The following RFPL3 variants were observed in gnomAD, a reference collection of about 807,000 sequenced individuals.
RFPL3 encodes ret finger protein-like 3.
Under a neutral mutation model 8.7 loss-of-function variants are expected in RFPL3, and 8 were observed. The observed-to-expected ratio is 0.92, with a 90% confidence interval of 0.54 to 1.66. RFPL3 has a LOEUF of 1.66. Among genes scored for constraint, RFPL3 ranks in the 40% most tolerant of loss-of-function variants. The pLI, the probability that RFPL3 is intolerant of heterozygous loss-of-function variation, is 0.00. For missense variants in RFPL3, 341 were observed against 395.0 expected (o/e 0.86, Z 1.16); for synonymous variants, 145 against 150.5 (o/e 0.96, Z 0.27).
upstream of RFPL3, chr22:32,356,572 C>A (rs1810450): frequency 0.066 from 13,073 of 198,210 alleles, 902 homozygotes; most frequent in East Asian, 0.45. Context: ...TAAGGGTTTA[C>A]TGGTACAAGG....
In RFPL3 at chr22:32,358,288, G is replaced by A. The variant is rs776262059; in HGVS notation, c.217G>A (p.Gly73Arg). ...CAATTCGCTGCAGAAGGAGCCCCAT[G>A]GGGAGGATCTGCTTTGCTGTTGCTG... The part of the protein sequence containing the change: ...CINSLQKEPH[G>R]EDLLCCCCSM... Residue 73 changes from glycine to arginine, a missense_variant, in exon 1 of 2, where the codon GGG (glycine) becomes AGG (arginine). Physicochemically the swap from Gly to Arg is moderately radical, Grantham distance 125. Coordinates refer to ENST00000249007, the MANE Select transcript of RFPL3 (RefSeq NM_001098535.1). 6 of 1,613,974 alleles carry A rather than the reference G, an allele frequency of 3.7e-6. No individual in the cohort carries two copies. The Admixed American group carries it at 1.0e-4, about 27-fold the overall frequency.
chr22:32,360,435 T>G lies in RFPL3; in HGVS notation c.557T>G (p.Val186Gly). The G allele has an allele frequency of 6.2e-7, 1 of 1,613,776 alleles. No individual in the cohort carries two copies. The highest frequency in any genetic ancestry group is 8.5e-7 in the Non-Finnish European group (1 of 1,179,842). Residue 186 changes from valine to glycine, a missense_variant, in exon 2 of 2, where the codon GTG (valine) becomes GGG (glycine). Val to Gly is a moderately radical substitution (Grantham distance 109, BLOSUM62 -3). Coordinates refer to ENST00000249007, the MANE Select transcript of RFPL3 (RefSeq NM_001098535.1). ...GGCCGCCACTACTGGGAGGTGGACG[T>G]GGGAACAAGCACAGAATGGGACCTG... ...TCGRHYWEVD[V>G]GTSTEWDLGV...
At chr22:32,357,711 C>T (rs973390569), upstream of RFPL3, among the ~76,000 whole-genome samples, 14 of 152,270 alleles carry the variant, frequency 9.2e-5, no homozygotes, top group African/African-American at 3.4e-4. Context: ...AGATGATCCA[C>T]CCACCTTGGC....
At chr22:32,357,593 A>C (rs1443557030), upstream of RFPL3, among the ~76,000 whole-genome samples, 2 of 152,058 alleles carry the variant, frequency 1.3e-5, no homozygotes, top group Non-Finnish European at 2.9e-5. Flanking sequence ...AAGCCTCCCA[A>C]GTATCTGGGA....
At chr22:32,354,898 G>A (rs1424337490), upstream of RFPL3, 2 of 152,446 alleles carry the variant, frequency 1.3e-5, no homozygotes, top group Non-Finnish European at 2.9e-5. Context: ...CAGCAGCGAG[G>A]TGAGCCACGG....
upstream of RFPL3, among the ~76,000 whole-genome samples, chr22:32,355,499 G>A (rs571990201): frequency 4.6e-5 from 7 of 152,132 alleles, no homozygotes; most frequent in South Asian, 1.5e-3. Flanking sequence ...CATAAATGAT[G>A]CATCCTCCAA....
At chr22:32,359,137 T>C (rs1485924166) in intron 1 of RFPL3, among the ~76,000 whole-genome samples, 1 of 152,210 alleles carries the variant, frequency 6.6e-6, no homozygotes, top group East Asian at 1.9e-4. Flanking sequence ...GCCCCTATAA[T>C]GTCCCTGACA....
chr22:32,360,163 G>A (rs2145869984), intron 1 of RFPL3, 89 bp from the exon 2 acceptor site: 1 of 1,470,822 alleles, frequency 6.8e-7, no homozygotes, highest in South Asian at 1.4e-5. Context: ...AGAAACTAAA[G>A]TCAGGAGATA....
rs141627758 is a variant in RFPL3 at position 32,359,111 on chromosome 22, C to A, written c.373+667C>A. 4.5e-3 allele frequency among the ~76,000 whole-genome samples: 681 copies of A among 152,262 alleles called. 8 individuals are homozygous for A. Among genetic ancestry groups the A allele is most frequent in the African/African-American group, 0.016 (654 of 41,548 alleles). On this transcript the variant is annotated intron_variant, in intron 1 of 1. Transcript: ENST00000249007. ...GGTCAGCCTGGGCAAAGAATTACAC[C>A]TATAAATGGTGGTGGGCCCCTATAA...
upstream of RFPL3, chr22:32,356,888 G>A (rs1932685202): frequency 4.3e-6 from 2 of 469,758 alleles, no homozygotes; most frequent in South Asian, 3.3e-5. Context: ...CAGCTCCCGG[G>A]TAGAAGCCAC....
chr22:32,360,215 T>C (rs1163492000), intron 1 of RFPL3, 37 bp from the exon 2 acceptor site: 14 of 1,585,896 alleles, frequency 8.8e-6, no homozygotes, highest in Non-Finnish European at 1.2e-5. Context: ...GGTTGGCTTC[T>C]GTCCACTTGC....
chr22:32,357,246 A>AT (rs1379139026), upstream of RFPL3, among the ~76,000 whole-genome samples: 2 of 151,118 alleles, frequency 1.3e-5, no homozygotes, highest in African/African-American at 4.9e-5. Context: ...GAAGGATGTA[A>AT]TTTTTTTTCT....
rs571166075 is a variant in RFPL3 at position 32,359,135 on chromosome 22, A to G, written c.373+691A>G. Among the ~76,000 whole-genome samples, 193 of 152,254 alleles carry G rather than the reference A, an allele frequency of 1.3e-3. 1 individual carries two copies. Among genetic ancestry groups the G allele is most frequent in the Non-Finnish European group, 2.4e-3 (163 of 68,008 alleles). On this transcript the variant is annotated intron_variant, in intron 1 of 1. Coordinates refer to ENST00000249007, the MANE Select transcript of RFPL3 (RefSeq NM_001098535.1). ...CCTATAAATGGTGGTGGGCCCCTAT[A>G]ATGTCCCTGACACTGGTAGCTTCTG...
At chr22:32,360,095 T>C in intron 1 of RFPL3, 157 bp from the exon 2 acceptor site, 1 of 930,432 alleles carries the variant, frequency 1.1e-6, no homozygotes, top group Admixed American at 2.9e-5. Context: ...TATGAAAATT[T>C]GAAATAGGGA....
rs772347221 is a variant in RFPL3 at position 32,358,354 on chromosome 22, CA to C, written c.284del (p.Gln95ArgfsTer2). On this transcript the variant is annotated frameshift_variant, in exon 1 of 2. Transcript: ENST00000249007. LOFTEE classifies it high-confidence loss of function. ...GAGGAACAAAATCAGGCCCAATCGG[CA>C]GCTAGAGAGGCTGGTTTCCCACATC... ...SQRNKIRPNRQLERLVSHIKE... is the reference protein window; with the variant it reads ...SQRNKIRPNRXLERLVSHIKE... The C allele has an allele frequency of 6.2e-7, 1 of 1,614,142 alleles. No homozygotes were observed. The highest frequency in any genetic ancestry group is 8.5e-7 in the Non-Finnish European group (1 of 1,180,044).
chr22:32,355,091 T>C (rs995531451), upstream of RFPL3, among the ~76,000 whole-genome samples: 1 of 142,330 alleles, frequency 7.0e-6, no homozygotes, highest in Non-Finnish European at 1.5e-5. Context: ...GCATCATTTA[T>C]ATATGAGAAT....
At chr22:32,357,087 T>C (rs922554753), upstream of RFPL3, 3 of 332,166 alleles carry the variant, frequency 9.0e-6, no homozygotes, top group South Asian at 4.9e-5. Context: ...TCAGTGCCAG[T>C]GTAGGACCCC....
upstream of RFPL3, chr22:32,357,773 C>T: frequency 9.7e-7 from 1 of 1,028,522 alleles, no homozygotes; most frequent in Non-Finnish European, 1.3e-6. Context: ...AGCCTCTCAG[C>T]TCCTAATTCT....
At chr22:32,357,304 G>T (rs1932699888), upstream of RFPL3, among the ~76,000 whole-genome samples, 1 of 152,066 alleles carries the variant, frequency 6.6e-6, no homozygotes, top group African/African-American at 2.4e-5. Context: ...GTCCAGGTTG[G>T]AGTGACCTGG....
Sources: gnomAD v4.1 joint callset for allele counts (sites outside exome capture counted in the v4.1 genomes callset) on GRCh38, gnomAD v4.1.1 for gene constraint, MANE v1.5 for transcripts, NCBI Gene and HGNC (gene_info 2026-07-23, HGNC 2026-07-21) for gene names.